The following FBN3 variants were observed in gnomAD, a reference collection of about 807,000 sequenced individuals.
FBN3 encodes fibrillin 3, also known as fibrillin-3.
FBN3 carries 234 observed loss-of-function variants against 330.1 expected under a neutral mutation model. That is an observed-to-expected ratio of 0.71 (90% CI 0.64 to 0.79). The LOEUF is 0.79. Among genes scored for constraint, FBN3 ranks in the 30% least tolerant of loss-of-function variants. The pLI is 0.00. For synonymous variants in FBN3, 1,458 were observed against 1,517.3 expected (o/e 0.96, Z 0.91); for missense variants, 3,606 against 3,886.9 (o/e 0.93, Z 1.92).
At chr19:8,116,642 A>ACCCCC in intron 29 of FBN3, 32 bp downstream of exon 29, 1 of 1,543,814 alleles carries the variant, frequency 6.5e-7, no homozygotes, top group Admixed American at 1.7e-5. Flanking sequence ...TGCCTCCTCC[A>ACCCCC]CCCGCCCCGC....
chr19:8,144,262 G>C (rs546553579), intron 6 of FBN3, among the ~76,000 whole-genome samples: 2 of 152,040 alleles, frequency 1.3e-5, no homozygotes, highest in African/African-American at 4.8e-5. Flanking sequence ...TTAGCTGAGC[G>C]TGGGGATGCC....
At position 8,089,549 on chromosome 19, in the gene FBN3, A is replaced by G. The variant is rs1342203999; in HGVS notation, c.6372T>C (p.Cys2124=). 6.2e-7 allele frequency: 1 copy of G among 1,613,990 alleles called. No individual in the cohort carries two copies. Among genetic ancestry groups the G allele is most frequent in the Non-Finnish European group, 8.5e-7 (1 of 1,179,980 alleles). The change falls in exon 51 of 64, where the codon TGT becomes TGC. Residue 2124 remains cysteine, a synonymous_variant. Coordinates refer to ENST00000600128, the MANE Select transcript of FBN3 (RefSeq NM_032447.5). ...GYSLDFTGIN[C]VDTDECSVGH... ...GGGGAAGGGCTGGCCACTCACCCACACAGTTGATGCCAGTGAAGTCCAGGC... is the reference window on the plus strand; with the variant it reads ...GGGGAAGGGCTGGCCACTCACCCACGCAGTTGATGCCAGTGAAGTCCAGGC...
chr19:8,081,386 C>CAGGT lies in FBN3; in HGVS notation c.7304_7307dup (p.Leu2437ProfsTer52). On this transcript the variant is annotated frameshift_variant, in exon 58 of 64. Coordinates refer to ENST00000600128, the MANE Select transcript of FBN3 (RefSeq NM_032447.5). LOFTEE classifies it high-confidence loss of function. ...TGCAGGTCCTGCCATCCTCCTCCAG[C>CAGGT]AGGTAGCCTCGGGGACAGCTGCACA... 6.2e-7 allele frequency: 1 copy of CAGGT among 1,609,990 alleles called. No individual in the cohort carries two copies. Among genetic ancestry groups the CAGGT allele is most frequent in the Non-Finnish European group, 8.5e-7 (1 of 1,178,100 alleles).
At chr19:8,144,676 G>A (rs1363459263) in intron 6 of FBN3, among the ~76,000 whole-genome samples, 1 of 151,842 alleles carries the variant, frequency 6.6e-6, no homozygotes, top group East Asian at 1.9e-4. Flanking sequence ...CTCCAACACA[G>A]GTGCTCGCTC....
intron 36 of FBN3, among the ~76,000 whole-genome samples, chr19:8,108,566 C>T (rs889832501): frequency 1.3e-5 from 2 of 152,044 alleles, no homozygotes; most frequent in African/African-American, 2.4e-5. Flanking sequence ...AAACCATATC[C>T]TAGTGTAACT....
At position 8,131,498 on chromosome 19, in the gene FBN3, C is replaced by T. The variant is rs2083145630; in HGVS notation, c.1990+56G>A. 1 of 1,555,636 alleles carries T rather than the reference C, an allele frequency of 6.4e-7. No homozygotes were observed. The highest frequency in any genetic ancestry group is 1.2e-5 in the South Asian group (1 of 81,658). ...CATGACCCCCCACCAGAAGCGAGAA[C>T]CGATGGAGGCATTCAGACCAAGGAG... On this transcript the variant is annotated intron_variant, in intron 15 of 63. Transcript: ENST00000600128. The surrounding 1 kb of genome is among the most constrained non-coding windows in gnomAD (Gnocchi z 4.5).
rs200311384 is a variant in FBN3, at chr19:8,075,163, C to T, written c.7610G>A (p.Arg2537His). The change falls in exon 61 of 64, where the codon CGC becomes CAC. Residue 2537 changes from arginine to histidine, a missense_variant. By Grantham distance (29) the Arg-to-His change is conservative. Transcript: ENST00000600128. ...EDVNECDGPH[R>H]CQHGCQNQLG... ...CTGGTTCTGACAGCCATGCTGGCAG[C>T]GGTGGGGCCCATCACATTCATTCAC... is the stretch of plus-strand genomic sequence containing the variant. The T allele has an allele frequency of 8.0e-5, 125 of 1,569,696 alleles. No homozygotes were observed. Among genetic ancestry groups the T allele is most frequent in the African/African-American group, 3.8e-4 (28 of 73,824 alleles).
intron 51 of FBN3, 99 bp downstream of exon 51, chr19:8,089,446 A>C: frequency 7.3e-7 from 1 of 1,373,180 alleles, no homozygotes; most frequent in African/African-American, 1.4e-5. Flanking sequence ...TAAGGACAGG[A>C]TCTCACCCAC....
intron 3 of FBN3, among the ~76,000 whole-genome samples, chr19:8,146,735 G>T (rs2083555696): frequency 6.6e-6 from 1 of 152,112 alleles, no homozygotes; most frequent in Non-Finnish European, 1.5e-5. Context: ...GGGAGGCTGA[G>T]ATGGGAAAAT....
In FBN3 at chr19:8,109,385, G is replaced by A. The variant is rs1156893903; in HGVS notation, c.4460C>T (p.Thr1487Ile). The stretch of plus-strand genomic sequence containing the variant: ...CTCCAGGAAACAGTTCCCGGCCCGA[G>A]TGTCTGAACAGGCAGAAGGGGATGG... ...LNPSGVGCVDTRAGNCFLETH... is the reference protein window; with the variant it reads ...LNPSGVGCVDIRAGNCFLETH... The change falls in exon 36 of 64, where the codon ACT becomes ATT. Residue 1487 changes from threonine to isoleucine, a missense_variant. By Grantham distance (89) the Thr-to-Ile change is moderately conservative. Coordinates refer to ENST00000600128, the MANE Select transcript of FBN3 (RefSeq NM_032447.5). The surrounding 1 kb of genome is among the most constrained non-coding windows in gnomAD (Gnocchi z 5.2). The A allele has an allele frequency of 6.2e-7, 1 of 1,614,186 alleles. No individual in the cohort carries two copies. The highest frequency in any genetic ancestry group is 1.7e-5 in the Admixed American group (1 of 60,024).
chr19:8,137,161 C>A (rs1041356034), intron 10 of FBN3, among the ~76,000 whole-genome samples: 5 of 149,172 alleles, frequency 3.4e-5, no homozygotes, highest in African/African-American at 1.2e-4. Context: ...ATCCCTCCAA[C>A]CTGGAACCCA....
intron 13 of FBN3, among the ~76,000 whole-genome samples, chr19:8,134,960 AATATATATATTTTACATATAT>A (rs1444081208): frequency 6.8e-6 from 1 of 148,144 alleles, no homozygotes; most frequent in Non-Finnish European, 1.5e-5. Flanking sequence ...AATAAATATA[AATATATATATTTTACATATAT>A]ATATATATAT....
chr19:8,086,105 G>C, intron 55 of FBN3, 95 bp downstream of exon 55: 1 of 466,324 alleles, frequency 2.1e-6, no homozygotes. Context: ...AGTGAAGGGG[G>C]CAGGCAGTGG....
In FBN3 at chr19:8,081,128, C is replaced by G; in HGVS notation, c.7337-9G>C. ...GGTGCATTCGTCCAGGTCTGCAGCA[C>G]GGATGGTCCAGCAGGCTCAGGGCAG... On this transcript the variant is annotated splice_polypyrimidine_tract_variant and intron_variant, in intron 58 of 63. Coordinates refer to ENST00000600128, the MANE Select transcript of FBN3 (RefSeq NM_032447.5). 6.2e-7 allele frequency: 1 copy of G among 1,610,540 alleles called. No individual in the cohort carries two copies. Among genetic ancestry groups the G allele is most frequent in the Non-Finnish European group, 8.5e-7 (1 of 1,177,286 alleles).
At chr19:8,098,095 A>G (rs909694046) in intron 41 of FBN3, among the ~76,000 whole-genome samples, 2 of 152,224 alleles carry the variant, frequency 1.3e-5, no homozygotes, top group Non-Finnish European at 2.9e-5. Flanking sequence ...TGTACTCAAA[A>G]CCACTAAAGA....
At chr19:8,070,736 A>G (rs887812320) in intron 63 of FBN3, among the ~76,000 whole-genome samples, 8 of 152,176 alleles carry the variant, frequency 5.3e-5, no homozygotes, top group African/African-American at 1.9e-4. Context: ...TAATAGTGGC[A>G]TCTAGGCTGG....
Position 8,130,616 on chromosome 19 carries a change from GAAA to G in FBN3, c.2044+616_2044+618del, listed in dbSNP as rs1297150695. Among the ~76,000 whole-genome samples the G allele has an allele frequency of 5.3e-3, 32 of 6,002 alleles. 6 individuals are homozygous for G. Among genetic ancestry groups the G allele is most frequent in the African/African-American group, 0.026 (20 of 778 alleles). 3.9% of individuals were successfully genotyped at this position (6,002 alleles called of 152,430 possible). A position where few individuals can be genotyped will look rare whatever the true frequency, so the allele number is the denominator to read the frequency against. On this transcript the variant is annotated intron_variant, in intron 16 of 63. Coordinates refer to ENST00000600128, the MANE Select transcript of FBN3 (RefSeq NM_032447.5). The stretch of plus-strand genomic sequence containing the variant: ...AGAAAGAAAGAAAGAAAGAAAGAAA[GAAA>G]GAAAGAAAGAAAGAAAGAAAGAAAG...
chr19:8,117,429 G>C, intron 27 of FBN3, 35 bp downstream of exon 27: 1 of 1,557,392 alleles, frequency 6.4e-7, no homozygotes, highest in Middle Eastern at 1.8e-4. Context: ...GACTGTGGTT[G>C]GTGCCCAGGG....
At chr19:8,085,676 G>T in intron 55 of FBN3, 107 bp from the exon 56 acceptor site, 1 of 834,988 alleles carries the variant, frequency 1.2e-6, no homozygotes, top group Non-Finnish European at 1.8e-6. Flanking sequence ...TTGGGGACAG[G>T]GGTGTCCAGG....
Sources: allele counts gnomAD v4.1 joint callset (sites outside exome capture counted in the v4.1 genomes callset), GRCh38; gene constraint gnomAD v4.1.1; non-coding constraint Gnocchi (gnomAD v3.1); transcripts MANE v1.5; gene names NCBI Gene and HGNC (gene_info 2026-07-23, HGNC 2026-07-21).